The following PYY variants were observed in gnomAD, a reference collection of about 807,000 sequenced individuals.
PYY encodes the protein peptide tyrosine tyrosine.
Under a neutral mutation model 10.3 loss-of-function variants are expected in PYY, and 12 were observed. The ratio of observed to expected loss-of-function variants is 1.17; its 90% CI spans 0.75 to 1.89. The LOEUF (loss-of-function observed/expected upper bound fraction) is 1.89. PYY is among the 40% of genes most tolerant of loss of function. The pLI is 0.00. For missense variants in PYY, 141 were observed against 134.0 expected, an observed-to-expected ratio of 1.05 and a Z score of -0.26; for synonymous variants, 66 against 62.0, an observed-to-expected ratio of 1.06 and a Z score of -0.30.
chr17:43,969,091 G>T (rs1042736988), intron 1 of PYY, among the ~76,000 whole-genome samples: 12 of 152,188 alleles, frequency 7.9e-5, no homozygotes, highest in African/African-American at 2.4e-4. Flanking sequence ...CTGGGCGATA[G>T]GGTGTGACTG....
chr17:43,973,002 C>T (rs1360664426), intron 1 of PYY, among the ~76,000 whole-genome samples: 2 of 151,950 alleles, frequency 1.3e-5, no homozygotes, highest in African/African-American at 4.8e-5. Context: ...CGTGAGCCAC[C>T]GCACCCAGCC....
intron 1 of PYY, among the ~76,000 whole-genome samples, chr17:43,967,966 A>C (rs1408277524): frequency 6.6e-6 from 1 of 151,846 alleles, no homozygotes; most frequent in African/African-American, 2.4e-5. Flanking sequence ...GAGAAAAGGA[A>C]CTCCATTTTT....
chr17:43,957,136 T>C (rs2048677721), upstream of PYY, among the ~76,000 whole-genome samples: 1 of 148,392 alleles, frequency 6.7e-6, no homozygotes, highest in Admixed American at 6.8e-5. Context: ...AGGCAGAGGT[T>C]GCAGTGAGCC....
At chr17:43,991,288 A>T (rs2048955477) in intron 1 of PYY, among the ~76,000 whole-genome samples, 1 of 151,962 alleles carries the variant, frequency 6.6e-6, no homozygotes, top group African/African-American at 2.4e-5. Flanking sequence ...AAAATTAGCC[A>T]GGCATTGTGG....
At chr17:43,990,543 G>A (rs2048950122) in intron 1 of PYY, among the ~76,000 whole-genome samples, 1 of 151,772 alleles carries the variant, frequency 6.6e-6, no homozygotes, top group African/African-American at 2.4e-5. Context: ...CTGGGCACTT[G>A]CTGAAATATT....
At chr17:43,972,626 T>A (rs1373766166) in intron 1 of PYY, among the ~76,000 whole-genome samples, 1 of 152,096 alleles carries the variant, frequency 6.6e-6, no homozygotes, top group Non-Finnish European at 1.5e-5. Context: ...ACTCGTGAGC[T>A]CAAACGATCT....
intron 1 of PYY, among the ~76,000 whole-genome samples, chr17:44,000,391 A>C (rs747064747): frequency 1.3e-5 from 2 of 152,078 alleles, no homozygotes; most frequent in South Asian, 2.1e-4. Flanking sequence ...TTTGTAGATA[A>C]GGGCAGATGG....
intron 1 of PYY, among the ~76,000 whole-genome samples, chr17:43,983,911 G>T (rs2048899114): frequency 6.6e-6 from 1 of 152,332 alleles, no homozygotes; most frequent in Non-Finnish European, 1.5e-5. Context: ...GTTCCGAGGC[G>T]AGCGGCTGCT....
At chr17:43,989,095 C>A in intron 1 of PYY, among the ~76,000 whole-genome samples, 1 of 149,398 alleles carries the variant, frequency 6.7e-6, no homozygotes, top group East Asian at 2.2e-4. Flanking sequence ...ACATAACAGG[C>A]TGGGCGCGGT....
At chr17:43,996,149 G>A (rs1188314774) in intron 1 of PYY, among the ~76,000 whole-genome samples, 1 of 152,144 alleles carries the variant, frequency 6.6e-6, no homozygotes, top group Non-Finnish European at 1.5e-5. Flanking sequence ...AGACAATGCA[G>A]CAGCCACCTT....
intron 2 of PYY, among the ~76,000 whole-genome samples, chr17:43,959,024 A>G (rs1249413028): frequency 6.6e-6 from 1 of 152,254 alleles, no homozygotes; most frequent in Non-Finnish European, 1.5e-5. Flanking sequence ...GAAGTGTGCT[A>G]CATCAGATTG....
chr17:43,983,441 C>T (rs1220173513), intron 1 of PYY, among the ~76,000 whole-genome samples: 2 of 152,228 alleles, frequency 1.3e-5, no homozygotes, highest in Non-Finnish European at 2.9e-5. Flanking sequence ...CCCAAAGACC[C>T]AGTCCTGCTG....
intron 1 of PYY, among the ~76,000 whole-genome samples, chr17:43,969,781 T>C (rs2048777609): frequency 6.6e-6 from 1 of 150,750 alleles, no homozygotes; most frequent in African/African-American, 2.4e-5. Flanking sequence ...TCTCGCTCTG[T>C]CACCCAGACT....
intron 2 of PYY, among the ~76,000 whole-genome samples, chr17:43,961,605 A>G (rs1031809755): frequency 6.6e-6 from 1 of 151,888 alleles, no homozygotes; most frequent in African/African-American, 2.4e-5. Flanking sequence ...CAGTGGCGCA[A>G]TCTCAGCTCA....
intron 1 of PYY, among the ~76,000 whole-genome samples, chr17:43,969,197 A>G (rs1383086457): frequency 6.6e-6 from 1 of 151,944 alleles, no homozygotes; most frequent in Admixed American, 6.6e-5. Flanking sequence ...TATCCTGACA[A>G]TGCAAGGCTG....
intron 1 of PYY, among the ~76,000 whole-genome samples, chr17:43,972,862 G>A (rs1257858083): frequency 5.3e-5 from 8 of 151,968 alleles, no homozygotes; most frequent in South Asian, 4.2e-4. Context: ...GACTACAGGC[G>A]TGCCACCAAG....
intron 1 of PYY, among the ~76,000 whole-genome samples, chr17:43,977,251 T>G (rs1162708926): frequency 6.6e-6 from 1 of 152,162 alleles, no homozygotes; most frequent in East Asian, 1.9e-4. Flanking sequence ...CTTCATTAGT[T>G]CCAAGGGCTC....
upstream of PYY, among the ~76,000 whole-genome samples, chr17:43,955,078 G>A (rs1351569366): frequency 6.6e-6 from 1 of 152,210 alleles, no homozygotes. Context: ...AGCCATTGGG[G>A]CGCCAGAGGC....
chr17:43,974,096 C>A (rs775196537), intron 1 of PYY, among the ~76,000 whole-genome samples: 1 of 152,050 alleles, frequency 6.6e-6, no homozygotes, highest in Admixed American at 6.6e-5. Context: ...CTTCCCATTG[C>A]AATTTGCTTA....
Sources: allele counts gnomAD v4.1 joint callset (sites outside exome capture counted in the v4.1 genomes callset), GRCh38; gene constraint gnomAD v4.1.1; transcripts MANE v1.5; gene names NCBI Gene and HGNC (gene_info 2026-07-23, HGNC 2026-07-21).